Variants in EPHB1 observed in about 807,000 individuals in gnomAD.
The protein encoded by EPHB1 is ephrin type-B receptor 1.
EPHB1 carries 30 observed loss-of-function variants against 94.4 expected under a neutral mutation model. The observed-to-expected ratio is 0.32, with a 90% CI of 0.24 to 0.43. The LOEUF (loss-of-function observed/expected upper bound fraction) is 0.43. EPHB1 is among the 20% of genes least tolerant of loss of function. The probability of loss-of-function intolerance (pLI) is 1.00; values close to 1 mark genes in which losing one functional copy is unlikely to be tolerated. For missense variants in EPHB1, 1,055 were observed against 1,308.3 expected (o/e 0.81, Z 2.99); for synonymous variants, 522 against 489.1 (o/e 1.07, Z -0.89).
At chr3:134,980,062 A>G (rs1029162952) in intron 3 of EPHB1, among the ~76,000 whole-genome samples, 1 of 152,242 alleles carries the variant, frequency 6.6e-6, no homozygotes. Context: ...TTGACAGGGC[A>G]TGACAGGAAT....
intron 6 of EPHB1, among the ~76,000 whole-genome samples, chr3:135,159,056 G>A (rs182618207): frequency 1.2e-4 from 19 of 152,282 alleles, no homozygotes; most frequent in Non-Finnish European, 2.2e-4. Context: ...CGCCCAGGTG[G>A]TACAAGCATT....
intron 1 of EPHB1, among the ~76,000 whole-genome samples, chr3:134,806,527 C>G (rs1463971678): frequency 6.6e-6 from 1 of 152,172 alleles, no homozygotes; most frequent in Non-Finnish European, 1.5e-5. Flanking sequence ...CCTCACAGAA[C>G]ACTGTCCAAA....
intron 1 of EPHB1, among the ~76,000 whole-genome samples, chr3:134,849,962 C>G (rs2036947344): frequency 6.6e-6 from 1 of 152,190 alleles, no homozygotes; most frequent in Non-Finnish European, 1.5e-5. Flanking sequence ...GGACCACCAC[C>G]TGCCCATGTT....
intron 1 of EPHB1, among the ~76,000 whole-genome samples, chr3:134,893,788 G>A (rs2038033471): frequency 6.6e-6 from 1 of 152,236 alleles, no homozygotes; most frequent in Non-Finnish European, 1.5e-5. Flanking sequence ...ACTCCTTGCA[G>A]GATACCTGCC....
At position 135,188,031 on chromosome 3, in the gene EPHB1, T is replaced by C. The variant is rs138669056; in HGVS notation, c.1883-4545T>C. Reference sequence around the variant, plus strand: ...CTGGCCAACATGGAGAAACCCTGTCTCTACTAAAAATAAAAAAATTAGATA... The same window carrying C: ...CTGGCCAACATGGAGAAACCCTGTCCCTACTAAAAATAAAAAAATTAGATA... On this transcript the variant is annotated intron_variant, in intron 10 of 15. Coordinates refer to ENST00000398015, the MANE Select transcript of EPHB1 (RefSeq NM_004441.5). 4.5e-3 allele frequency among the ~76,000 whole-genome samples: 690 copies of C among 151,862 alleles called. 1 individual carries two copies. Among genetic ancestry groups the C allele is most frequent in the Non-Finnish European group, 7.7e-3 (526 of 67,964 alleles).
At chr3:135,077,309 A>G (rs995919878) in intron 3 of EPHB1, among the ~76,000 whole-genome samples, 1 of 152,124 alleles carries the variant, frequency 6.6e-6, no homozygotes, top group Non-Finnish European at 1.5e-5. Context: ...ATCAGCTTAC[A>G]ATATCCTGCT....
chr3:135,252,108 G>A (rs1469243643), intron 15 of EPHB1, among the ~76,000 whole-genome samples: 1 of 151,832 alleles, frequency 6.6e-6, no homozygotes, highest in South Asian at 2.1e-4. Context: ...CAAAGTACTT[G>A]ATCCATTATC....
At chr3:135,036,208 G>T (rs888027046) in intron 3 of EPHB1, among the ~76,000 whole-genome samples, 1 of 152,214 alleles carries the variant, frequency 6.6e-6, no homozygotes, top group African/African-American at 2.4e-5. Flanking sequence ...CAGCAAGGCC[G>T]TTGAGACGCT....
intron 3 of EPHB1, among the ~76,000 whole-genome samples, chr3:134,979,709 A>G (rs1028344323): frequency 3.3e-5 from 5 of 152,218 alleles, no homozygotes; most frequent in African/African-American, 1.2e-4. Context: ...GGTGTATTAA[A>G]TGCATTTTCA....
At chr3:135,123,107 C>G (rs1463104078) in intron 4 of EPHB1, among the ~76,000 whole-genome samples, 1 of 152,210 alleles carries the variant, frequency 6.6e-6, no homozygotes, top group Non-Finnish European at 1.5e-5. Flanking sequence ...TTAGGTGCCT[C>G]TACCCCAGGT....
At chr3:134,822,874 C>T (rs1270578409) in intron 1 of EPHB1, among the ~76,000 whole-genome samples, 2 of 152,168 alleles carry the variant, frequency 1.3e-5, no homozygotes, top group African/African-American at 4.8e-5. Context: ...TAAACGAACC[C>T]AGGCAGTTCA....
chr3:135,224,745 A>T (rs773257262), intron 12 of EPHB1, among the ~76,000 whole-genome samples: 1 of 152,214 alleles, frequency 6.6e-6, no homozygotes, highest in Non-Finnish European at 1.5e-5. Context: ...TATACCAGTG[A>T]GCACTTGTCA....
At chr3:135,240,468 C>T (rs887577123) in intron 12 of EPHB1, among the ~76,000 whole-genome samples, 1 of 152,108 alleles carries the variant, frequency 6.6e-6, no homozygotes, top group Non-Finnish European at 1.5e-5. Context: ...AAGAGTGGCC[C>T]TGTAGAAAAG....
At chr3:135,009,516 A>G (rs1935547413) in intron 3 of EPHB1, among the ~76,000 whole-genome samples, 1 of 152,238 alleles carries the variant, frequency 6.6e-6, no homozygotes, top group Non-Finnish European at 1.5e-5. Context: ...GGCCTTGGTG[A>G]GCCCAAGCAG....
At chr3:134,869,173 A>T (rs150661849) in intron 1 of EPHB1, among the ~76,000 whole-genome samples, 143 of 152,374 alleles carry the variant, frequency 9.4e-4, no homozygotes, top group Non-Finnish European at 1.6e-3. Context: ...GAAATAATCT[A>T]GGAAGCAAAA....
At chr3:134,860,150 G>GACACACACACACACACAGACACACAC (rs1553858669) in intron 1 of EPHB1, among the ~76,000 whole-genome samples, 20 of 142,808 alleles carry the variant, frequency 1.4e-4, no homozygotes, top group East Asian at 6.4e-4. Flanking sequence ...AGAAGGAAGG[G>GACACACACACACACACAGACACACAC]ACACACACAC....
intron 12 of EPHB1, among the ~76,000 whole-genome samples, chr3:135,212,519 T>C (rs528068456): frequency 6.8e-4 from 104 of 152,324 alleles, no homozygotes; most frequent in African/African-American, 2.3e-3. Flanking sequence ...AACAGCTCTT[T>C]ATGGTTTTCA....
intron 1 of EPHB1, among the ~76,000 whole-genome samples, chr3:134,849,699 G>A (rs1198863345): frequency 6.6e-6 from 1 of 152,182 alleles, no homozygotes; most frequent in Non-Finnish European, 1.5e-5. Context: ...TTCTGTCCCT[G>A]GATCAGGAAC....
chr3:135,081,926 G>A (rs1213758861), intron 3 of EPHB1, among the ~76,000 whole-genome samples: 7 of 152,004 alleles, frequency 4.6e-5, no homozygotes, highest in Non-Finnish European at 8.8e-5. Flanking sequence ...GGAAAGAGGA[G>A]AAGAAGAGGA....
Sources: allele counts gnomAD v4.1 joint callset (sites outside exome capture counted in the v4.1 genomes callset), GRCh38; gene constraint gnomAD v4.1.1; transcripts MANE v1.5; gene names NCBI Gene and HGNC (gene_info 2026-07-23, HGNC 2026-07-21).